Variants in VILL observed in about 807,000 individuals in gnomAD.
VILL encodes the protein villin like, also known as villin-like protein.
In VILL, 102 loss-of-function variants were observed where a neutral mutation model predicts 106.3. The observed-to-expected ratio is 0.96, with a 90% CI of 0.82 to 1.13. The LOEUF (loss-of-function observed/expected upper bound fraction) is 1.13, where lower values mean the gene tolerates loss of function less well. Among genes scored for constraint, VILL ranks in the 50% most tolerant of loss-of-function variants. The pLI is 0.00. For missense variants in VILL, 1,076 were observed against 1,116.6 expected, an observed-to-expected ratio of 0.96 and a Z score of 0.52; for synonymous variants, 431 against 440.3, an observed-to-expected ratio of 0.98 and a Z score of 0.27.
chr3:38,006,275 T>G, intron 18 of VILL, 23 bp downstream of exon 18: 1 of 1,614,004 alleles, frequency 6.2e-7, no homozygotes, highest in Non-Finnish European at 8.5e-7. Flanking sequence ...GCCCCTAGCC[T>G]TCCCCACAGT....
At chr3:37,989,076 G>C (rs56264852), upstream of VILL, among the ~76,000 whole-genome samples, 1 of 152,070 alleles carries the variant, frequency 6.6e-6, no homozygotes, top group African/African-American at 2.4e-5. Context: ...GAGCAGGCAG[G>C]AGGCGTGAGA....
intron 15 of VILL, 90 bp downstream of exon 15, chr3:38,003,403 T>C (rs1403869316): frequency 1.5e-5 from 22 of 1,440,890 alleles, no homozygotes; most frequent in Non-Finnish European, 1.9e-5. Flanking sequence ...CACAGAGAGC[T>C]GGCAAGACGA....
Position 37,998,950 on chromosome 3 carries a change from C to G in VILL, c.981C>G (p.Asn327Lys), listed in dbSNP as rs1292864311. The G allele has an allele frequency of 6.2e-7, 1 of 1,610,456 alleles. No homozygotes were observed. Among genetic ancestry groups the G allele is most frequent in the East Asian group, 2.2e-5 (1 of 44,682 alleles). Reference protein sequence around the residue: ...IQAKGYPTYTNVEVVNDGAES... With the variant: ...IQAKGYPTYTKVEVVNDGAES... ...CCAAGGGCTACCCGACCTACACCAA[C>G]GTGGAGGTGGTGAACGACGGCGCCG... The change falls in exon 10 of 20, where the codon AAC (asparagine) becomes AAG (lysine). Residue 327 changes from asparagine to lysine, a missense_variant. Coordinates refer to ENST00000383759, the MANE Select transcript of VILL (RefSeq NM_015873.4). This position sits in a 1 kb window ranked among gnomAD's most constrained non-coding sequence, Gnocchi z 4.1.
intron 3 of VILL, 36 bp downstream of exon 3, chr3:37,994,008 G>A (rs372615769): frequency 2.0e-5 from 33 of 1,610,996 alleles, no homozygotes; most frequent in South Asian, 1.9e-4. Flanking sequence ...GAGAGGGGTG[G>A]CATGGCCCGG....
chr3:37,999,135 G>T, intron 10 of VILL, 85 bp downstream of exon 10: 1 of 1,120,696 alleles, frequency 8.9e-7, no homozygotes, highest in Non-Finnish European at 1.2e-6. Flanking sequence ...CGTTGGGATG[G>T]GTGAGCGGGC....
rs184033233 is a variant in VILL at position 38,001,708 on chromosome 3, C to T, written c.1327C>T (p.Gln443Ter). Residue 443 changes from glutamine (Q) to a stop codon, truncating the protein, a stop_gained, in exon 13 of 20, where the codon CAG (glutamine) becomes TAG (stop). Coordinates refer to ENST00000383759, the MANE Select transcript of VILL (RefSeq NM_015873.4). LOFTEE classifies it high-confidence loss of function. The stretch of plus-strand genomic sequence containing the variant: ...TCACTGCCCCCACCTGCAGGGCCAC[C>T]AGGCCACTGCGGATGAGATTGAGGC... ...QYILYLWQGH[Q>*]ATADEIEALN... The T allele has an allele frequency of 3.9e-5, 63 of 1,614,206 alleles. No homozygotes were observed. The highest frequency in any genetic ancestry group is 1.8e-4 in the Admixed American group (11 of 60,032).
intron 10 of VILL, 49 bp from the exon 11 acceptor site, chr3:37,999,290 G>A: frequency 2.9e-6 from 4 of 1,380,850 alleles, no homozygotes; most frequent in Non-Finnish European, 3.9e-6. Flanking sequence ...CGGAGATGGT[G>A]TTGGGGGGGG....
At position 37,998,317 on chromosome 3, in the gene VILL, C is replaced by T. The variant is rs1461869038; in HGVS notation, c.895C>T (p.Arg299Cys). Residue 299 changes from arginine (R) to cysteine (C), a missense_variant, in exon 9 of 20, where the codon CGC (arginine) becomes TGC (cysteine). Arg to Cys is a radical substitution (Grantham distance 180). Coordinates refer to ENST00000383759, the MANE Select transcript of VILL (RefSeq NM_015873.4). This position sits in a 1 kb window ranked among gnomAD's most constrained non-coding sequence, Gnocchi z 4.1. ...CTTCAAGATCTATGTGTGGCAGGGA[C>T]GCATGTCTAGCCTCCAGGAGAGAAA... ...GGFKIYVWQG[R>C]MSSLQERKAA... 7 of 1,614,146 alleles carry T rather than the reference C, an allele frequency of 4.3e-6. No individual in the cohort carries two copies. Among genetic ancestry groups the T allele is most frequent in the East Asian group, 4.5e-5 (2 of 44,870 alleles).
In VILL at chr3:38,007,079, T is replaced by G. The variant is rs367685738; in HGVS notation, c.*24T>G. 562 of 1,594,504 alleles carry G rather than the reference T, an allele frequency of 3.5e-4. 2 individuals are homozygous for G. The highest frequency in any genetic ancestry group is 4.5e-4 in the Non-Finnish European group (525 of 1,163,082). ...GAACCCAAGCCCTCTCGACTGCCCC[T>G]ATCCCCTGGACCCCAACATACCTAC... On this transcript the variant is annotated 3_prime_UTR_variant, in exon 20 of 20. Transcript: ENST00000383759.
At position 37,997,503 on chromosome 3, in the gene VILL, C is replaced by A; in HGVS notation, c.582C>A (p.Ser194Arg). 6.2e-7 allele frequency: 1 copy of A among 1,613,988 alleles called. No homozygotes were observed. The highest frequency in any genetic ancestry group is 8.5e-7 in the Non-Finnish European group (1 of 1,180,014). Residue 194 changes from serine (S) to arginine (R), a missense_variant, in exon 7 of 20, where the codon AGC becomes AGA. By Grantham distance (110) the Ser-to-Arg change is moderately radical. Transcript: ENST00000383759. This position sits in a 1 kb window ranked among gnomAD's most constrained non-coding sequence, Gnocchi z 4.7. ...EKARGLALTY[S>R]LRDRERGGGR... Reference sequence around the variant, plus strand: ...CGCAGGGGCTGGCTTTGACCTACAGCCTCCGGGACAGGGAACGTGGTGGTG... The same window carrying A: ...CGCAGGGGCTGGCTTTGACCTACAGACTCCGGGACAGGGAACGTGGTGGTG...
rs915099021 is a variant in VILL at position 38,007,123 on chromosome 3, C to T, written c.*68C>T. 6 of 1,312,508 alleles carry T rather than the reference C, an allele frequency of 4.6e-6. No individual in the cohort carries two copies. The highest frequency in any genetic ancestry group is 4.5e-4 in the Middle Eastern group (2 of 4,418). The allele number at this position is 1,312,508 out of a possible 1,614,324, so 81.3% of individuals were successfully genotyped here. ...TACCTACAATGCTGGGGAGGCCCTG[C>T]TTCCACTCCCCTCAGAGGCTTTTGG... On this transcript the variant is annotated 3_prime_UTR_variant, in exon 20 of 20. Coordinates refer to ENST00000383759, the MANE Select transcript of VILL (RefSeq NM_015873.4).
chr3:38,005,080 G>A (rs1279452602), intron 16 of VILL, among the ~76,000 whole-genome samples: 1 of 152,136 alleles, frequency 6.6e-6, no homozygotes, highest in Non-Finnish European at 1.5e-5. Flanking sequence ...CTGTCTGGCT[G>A]TGTGGCGATG....
intron 4 of VILL, 45 bp from the exon 5 acceptor site, chr3:37,995,694 T>C (rs761677235): frequency 6.7e-7 from 1 of 1,481,814 alleles, no homozygotes; most frequent in Non-Finnish European, 9.4e-7. Context: ...GTCTGTGTTC[T>C]TATATACACA....
Position 37,990,818 on chromosome 3 carries a change from A to C in VILL, c.-98A>C, listed in dbSNP as rs1357989543. 6.6e-6 allele frequency: 1 copy of C among 152,572 alleles called. No individual in the cohort carries two copies. The highest frequency in any genetic ancestry group is 1.5e-5 in the Non-Finnish European group (1 of 68,328). The allele number at this position is 152,572 out of a possible 1,614,324, so 9.5% of individuals were successfully genotyped here. On this transcript the variant is annotated 5_prime_UTR_variant, in exon 1 of 20. Coordinates refer to ENST00000383759, the MANE Select transcript of VILL (RefSeq NM_015873.4). This position sits in a 1 kb window ranked among gnomAD's most constrained non-coding sequence, Gnocchi z 5.1. Reference sequence around the variant, plus strand: ...ACAGGCAGGGCGAAGGCGCGGGAGCAGTTTCCAGCAGGTAGGCCTGGGCAG... The same window carrying C: ...ACAGGCAGGGCGAAGGCGCGGGAGCCGTTTCCAGCAGGTAGGCCTGGGCAG...
chr3:38,001,160 C>T, intron 11 of VILL: 1 of 545,172 alleles, frequency 1.8e-6, no homozygotes, highest in East Asian at 3.4e-5. Context: ...ACTGAACTGC[C>T]CCTAACCAGG....
chr3:38,001,849 GTGATCT>G lies in VILL; in HGVS notation c.1470_1475del (p.Ile491_Phe492del), dbSNP rs768602303. The G allele has an allele frequency of 1.9e-6, 3 of 1,614,246 alleles. No homozygotes were observed. The highest frequency in any genetic ancestry group is 3.3e-5 in the Admixed American group (2 of 60,036). ...CCTCGCCATCTTCCAGGGCCAGCTG[GTGATCT>G]TCCAGGTAGGTCTCACCTTGCCACT... On this transcript the variant is annotated inframe_deletion, in exon 13 of 20. Coordinates refer to ENST00000383759, the MANE Select transcript of VILL (RefSeq NM_015873.4).
intron 18 of VILL, 57 bp downstream of exon 18, chr3:38,006,309 C>T (rs758053650): frequency 6.2e-7 from 1 of 1,612,776 alleles, no homozygotes; most frequent in Non-Finnish European, 8.5e-7. Flanking sequence ...ACAGCATGGT[C>T]CTGATGGGCA....
At chr3:37,993,368 T>G in intron 1 of VILL, 1 of 367,790 alleles carries the variant, frequency 2.7e-6, no homozygotes, top group Non-Finnish European at 5.0e-6. Flanking sequence ...TGCAGTGAAG[T>G]GTGTTCGAAT....
In VILL at chr3:37,997,606, C is replaced by A. The variant is rs770448156; in HGVS notation, c.685C>A (p.Arg229Ser). 1.9e-6 allele frequency: 3 copies of A among 1,613,540 alleles called. No individual in the cohort carries two copies. The highest frequency in any genetic ancestry group is 2.5e-6 in the Non-Finnish European group (3 of 1,179,890). The change falls in exon 7 of 20, where the codon CGC (arginine) becomes AGC (serine). Residue 229 changes from arginine to serine, a missense_variant. By Grantham distance (110) the Arg-to-Ser change is moderately radical. Transcript: ENST00000383759. This position sits in a 1 kb window ranked among gnomAD's most constrained non-coding sequence, Gnocchi z 4.7. Reference protein sequence around the residue: ...LMQIMEAVLGRRVGSLRAATP... With the variant: ...LMQIMEAVLGSRVGSLRAATP... ...GCAGATCATGGAGGCTGTGCTGGGC[C>A]GCAGGGTGGGCAGCCTGCGTGCCGC...
Sources: allele counts gnomAD v4.1 joint callset (sites outside exome capture counted in the v4.1 genomes callset), GRCh38; gene constraint gnomAD v4.1.1; non-coding constraint Gnocchi (gnomAD v3.1); transcripts MANE v1.5; gene names NCBI Gene and HGNC (gene_info 2026-07-23, HGNC 2026-07-21).